PML: variants seen among roughly 807,000 people sequenced by gnomAD.
The protein encoded by PML is protein PML.
Under a neutral mutation model 65.2 loss-of-function variants are expected in PML, and 28 were observed. The ratio of observed to expected loss-of-function variants is 0.43; its 90% CI spans 0.32 to 0.59. The LOEUF is 0.59. Among genes scored for constraint, PML ranks in the 20% least tolerant of loss-of-function variants. The pLI is 0.08. For missense variants in PML, 1,021 were observed against 1,203.4 expected (o/e 0.85, Z 2.24); for synonymous variants, 500 against 508.8 (o/e 0.98, Z 0.23).
At chr15:74,016,782 G>T (rs1473731366) in intron 2 of PML, among the ~76,000 whole-genome samples, 1 of 117,458 alleles carries the variant, frequency 8.5e-6, no homozygotes, top group Non-Finnish European at 1.8e-5. Flanking sequence ...AATTTTTTAG[G>T]CAGTGGCATC....
At position 73,998,232 on chromosome 15, in the gene PML, C is replaced by T. The variant is rs141544943; in HGVS notation, c.358C>T (p.Arg120Trp). 19 of 1,614,062 alleles carry T rather than the reference C, an allele frequency of 1.2e-5. No individual in the cohort carries two copies. The highest frequency in any genetic ancestry group is 6.6e-5 in the South Asian group (6 of 91,086). ...ESLQRRLSVY[R>W]QIVDAQAVCT... ...TCTGCAGCGGCGCCTGTCGGTGTAC[C>T]GGCAGATTGTGGATGCGCAGGCTGT... Residue 120 changes from arginine to tryptophan, a missense_variant, in exon 2 of 9, where the codon CGG (arginine) becomes TGG (tryptophan). Physicochemically the swap from Arg to Trp is moderately radical, Grantham distance 101. Transcript: ENST00000268058.
intron 2 of PML, among the ~76,000 whole-genome samples, chr15:74,007,812 G>A (rs2070136832): frequency 2.0e-5 from 3 of 152,202 alleles, no homozygotes; most frequent in Non-Finnish European, 4.4e-5. Flanking sequence ...AAATATGAAT[G>A]GACATAGCCC....
chr15:74,016,127 A>C (rs1253098095), intron 2 of PML, among the ~76,000 whole-genome samples: 1 of 152,052 alleles, frequency 6.6e-6, no homozygotes, highest in East Asian at 1.9e-4. Flanking sequence ...AAATACAAAA[A>C]TTAGCTGAGT....
In PML at chr15:74,043,742, A is replaced by G; in HGVS notation, c.1862-479A>G. 1 of 529,300 alleles carries G rather than the reference A, an allele frequency of 1.9e-6. No individual in the cohort carries two copies. Among genetic ancestry groups the G allele is most frequent in the Non-Finnish European group, 3.7e-6 (1 of 266,750 alleles). 32.8% of individuals were successfully genotyped at this position (529,300 alleles called of 1,614,324 possible). On this transcript the variant is annotated intron_variant, in intron 8 of 8. Transcript: ENST00000268058. The surrounding 1 kb of genome is among the most constrained non-coding windows in gnomAD (Gnocchi z 4.3). ...CAGCAAGTGTTTTCATGGTACAGAA[A>G]AGTCATTTGCAGACCTCAGTGGGAG...
At chr15:73,998,847 G>A (rs918498548) in intron 2 of PML, among the ~76,000 whole-genome samples, 8 of 152,092 alleles carry the variant, frequency 5.3e-5, no homozygotes, top group Non-Finnish European at 7.3e-5. Flanking sequence ...GGAATTTTCC[G>A]AGAGCACTGA....
At chr15:74,012,173 G>A (rs1408878087) in intron 2 of PML, among the ~76,000 whole-genome samples, 1 of 152,058 alleles carries the variant, frequency 6.6e-6, no homozygotes. Context: ...ACATTAAGAG[G>A]TTGGAGCCAT....
rs1475993066 is a variant in PML, at chr15:74,045,051, G to A, written c.*43G>A. On this transcript the variant is annotated 3_prime_UTR_variant, in exon 9 of 9. Transcript: ENST00000268058. ...CTTGGAGTCTCTGGTGGGCAGAGAG[G>A]GATGGGGTCCCTGAGCCAGGCCCCA... is the stretch of plus-strand genomic sequence containing the variant. 3.9e-6 allele frequency: 6 copies of A among 1,519,302 alleles called. No homozygotes were observed. The highest frequency in any genetic ancestry group is 4.4e-6 in the Non-Finnish European group (5 of 1,128,832). The allele number at this position is 1,519,302 out of a possible 1,614,324, so 94.1% of individuals were successfully genotyped here. A position where few individuals can be genotyped will look rare whatever the true frequency, so the allele number is the denominator to read the frequency against.
chr15:74,004,135 G>A (rs1179919311), intron 2 of PML, among the ~76,000 whole-genome samples: 1 of 151,892 alleles, frequency 6.6e-6, no homozygotes, highest in African/African-American at 2.4e-5. Flanking sequence ...TTAGAGATGG[G>A]GTCTCACTCT....
intron 4 of PML, among the ~76,000 whole-genome samples, chr15:74,029,012 A>T (rs2071201975): frequency 6.6e-6 from 1 of 151,918 alleles, no homozygotes; most frequent in African/African-American, 2.4e-5. Context: ...TTGCATGTTT[A>T]CTCAGAAGTG....
chr15:74,001,179 G>A (rs1216647043), intron 2 of PML, among the ~76,000 whole-genome samples: 1 of 151,926 alleles, frequency 6.6e-6, no homozygotes, highest in Non-Finnish European at 1.5e-5. Flanking sequence ...TCAAAGTACT[G>A]TACTTTTAGT....
intron 2 of PML, among the ~76,000 whole-genome samples, chr15:74,015,475 G>A (rs1029582426): frequency 1.6e-4 from 24 of 152,328 alleles, no homozygotes; most frequent in African/African-American, 5.5e-4. Flanking sequence ...GGCAAGCCAG[G>A]TGGTACCAGC....
chr15:74,007,741 A>G (rs964257303), intron 2 of PML, among the ~76,000 whole-genome samples: 2 of 151,782 alleles, frequency 1.3e-5, no homozygotes, highest in African/African-American at 2.4e-5. Flanking sequence ...TGTGGAGTCC[A>G]TTTTTTCATG....
intron 7 of PML, among the ~76,000 whole-genome samples, chr15:74,040,649 G>A (rs1358749244): frequency 6.6e-6 from 1 of 152,214 alleles, no homozygotes; most frequent in Non-Finnish European, 1.5e-5. Flanking sequence ...AGGCGGAGCA[G>A]GGGAGAATTC....
chr15:73,998,624 G>A (rs2069617378), intron 2 of PML, 148 bp downstream of exon 2: 2 of 695,136 alleles, frequency 2.9e-6, no homozygotes, highest in Middle Eastern at 2.5e-4. Context: ...TGCAGTGTCC[G>A]TGTTGATGAC....
chr15:74,007,078 G>A (rs779418938), intron 2 of PML, among the ~76,000 whole-genome samples: 1 of 152,248 alleles, frequency 6.6e-6, no homozygotes, highest in African/African-American at 2.4e-5. Context: ...AGGTTTGTTT[G>A]TGCGGGCCTA....
Position 74,009,230 on chromosome 15 carries a change from T to C in PML, c.602+10754T>C, listed in dbSNP as rs537253854. On this transcript the variant is annotated intron_variant, in intron 2 of 8. Transcript: ENST00000268058. ...GATGGAGTTGGGGAATTAATCCAGC[T>C]GAAAGAGCTTGAATTATCATTGAAT... Among the ~76,000 whole-genome samples the C allele has an allele frequency of 1.3e-3, 199 of 152,300 alleles. 3 individuals carry two copies. Among genetic ancestry groups the C allele is most frequent in the African/African-American group, 4.7e-3 (194 of 41,572 alleles).
intron 1 of PML, 86 bp from the exon 2 acceptor site, chr15:73,997,918 C>T: frequency 8.6e-7 from 1 of 1,160,310 alleles, no homozygotes; most frequent in Non-Finnish European, 1.3e-6. Context: ...AGGTCCTACT[C>T]CAGGGTCCAG....
At chr15:74,018,744 T>C (rs1051522552) in intron 2 of PML, among the ~76,000 whole-genome samples, 3 of 152,260 alleles carry the variant, frequency 2.0e-5, no homozygotes, top group Non-Finnish European at 4.4e-5. Context: ...TATTTTTCTT[T>C]CTTAATTATT....
rs1486841521 is a variant in PML at position 74,036,277 on chromosome 15, C to G, written c.1710+1747C>G. On this transcript the variant is annotated intron_variant, in intron 7 of 8. Coordinates refer to ENST00000268058, the MANE Select transcript of PML (RefSeq NM_033238.3). ...AATAGCACAGCCTTCCATGCCCCGA[C>G]CCCCACCCCAAGCCTCTCCACTAGG... 6.8e-6 allele frequency: 10 copies of G among 1,475,716 alleles called. 1 individual carries two copies. The Admixed American group carries it at 2.2e-4, about 32-fold the overall frequency. 91.4% of individuals were successfully genotyped at this position (1,475,716 alleles called of 1,614,324 possible). A position where few individuals can be genotyped will look rare whatever the true frequency, so the allele number is the denominator to read the frequency against.
Sources: gnomAD v4.1 joint callset for allele counts (sites outside exome capture counted in the v4.1 genomes callset) on GRCh38, gnomAD v4.1.1 for gene constraint, Gnocchi (gnomAD v3.1) non-coding constraint, MANE v1.5 for transcripts, NCBI Gene and HGNC (gene_info 2026-07-23, HGNC 2026-07-21) for gene names.